Variants in PCDHGA1 observed in about 807,000 individuals in gnomAD.
PCDHGA1 encodes the protein protocadherin gamma subfamily A, 1.
Under a neutral mutation model 58.0 loss-of-function variants are expected in PCDHGA1, and 32 were observed. The observed-to-expected ratio is 0.55, with a 90% CI of 0.42 to 0.74. The LOEUF (loss-of-function observed/expected upper bound fraction) is 0.74, where lower values mean the gene tolerates loss of function less well. PCDHGA1 is among the 30% of genes least tolerant of loss of function. The pLI, the probability that PCDHGA1 is intolerant of heterozygous loss-of-function variation, is 0.00. For synonymous variants in PCDHGA1, 498 were observed against 501.1 expected (o/e 0.99, Z 0.08); for missense variants, 1,205 against 1,182.3 (o/e 1.02, Z -0.28).
intron 2 of PCDHGA1, among the ~76,000 whole-genome samples, chr5:141,501,907 G>T (rs4912761): frequency 0.59 from 89,145 of 151,782 alleles, 27,774 homozygotes; most frequent in African/African-American, 0.8. Context: ...CAACCCCACT[G>T]TTCCACTCAG....
intron 1 of PCDHGA1, chr5:141,422,941 G>A (rs777535652): frequency 9.9e-6 from 16 of 1,614,218 alleles, no homozygotes; most frequent in East Asian, 4.5e-5. Context: ...CCCCACAGAC[G>A]GCTCCACTGG....
chr5:141,345,917 G>A (rs1253423961), intron 1 of PCDHGA1: 9 of 1,613,326 alleles, frequency 5.6e-6, no homozygotes, highest in Non-Finnish European at 7.6e-6. Context: ...AGGTGCGCAC[G>A]GCGCGAGCCC....
intron 1 of PCDHGA1, chr5:141,367,483 G>A (rs971322037): frequency 1.5e-4 from 23 of 152,288 alleles, no homozygotes; most frequent in African/African-American, 5.5e-4. Flanking sequence ...CTTGCAGTAA[G>A]CCGAGATCGC....
intron 1 of PCDHGA1, among the ~76,000 whole-genome samples, chr5:141,425,428 T>C (rs1037803701): frequency 1.3e-5 from 2 of 152,238 alleles, no homozygotes; most frequent in African/African-American, 4.8e-5. Context: ...TCCCATTAAA[T>C]AGAGGATAAA....
Position 141,332,671 on chromosome 5 carries a change from G to A in PCDHGA1, c.1987G>A (p.Ala663Thr). 6.2e-7 allele frequency: 1 copy of A among 1,613,566 alleles called. No individual in the cohort carries two copies. ...PLSATVTLTV[A>T]VADRISDILA... is the part of the protein sequence containing the mutation. ...CTCCGCCACTGTCACGCTCACCGTG[G>A]CCGTGGCCGACAGGATCTCCGACAT... The change falls in exon 1 of 4, where the codon GCC becomes ACC. Residue 663 changes from alanine to threonine, a missense_variant. Coordinates refer to ENST00000517417, the MANE Select transcript of PCDHGA1 (RefSeq NM_018912.3). This position sits in a 1 kb window ranked among gnomAD's most constrained non-coding sequence, Gnocchi z 4.6.
chr5:141,350,121 A>C, intron 1 of PCDHGA1: 1 of 625,990 alleles, frequency 1.6e-6, no homozygotes, highest in Non-Finnish European at 2.4e-6. Context: ...TGTCCGGTGC[A>C]CTGAGCACAG....
intron 1 of PCDHGA1, chr5:141,370,251 A>G (rs981279976): frequency 4.3e-6 from 3 of 695,796 alleles, no homozygotes; most frequent in Non-Finnish European, 6.9e-6. Context: ...TGCACTCTCT[A>G]TCAGGCTTCC....
chr5:141,470,650 T>C (rs2099235744), intron 1 of PCDHGA1, among the ~76,000 whole-genome samples: 1 of 152,184 alleles, frequency 6.6e-6, no homozygotes, highest in Non-Finnish European at 1.5e-5. Context: ...TGAAGGCCCC[T>C]ACCCTTTGGT....
intron 1 of PCDHGA1, among the ~76,000 whole-genome samples, chr5:141,458,992 C>G (rs1268862644): frequency 6.6e-6 from 1 of 152,190 alleles, no homozygotes; most frequent in African/African-American, 2.4e-5. Flanking sequence ...CTCACCCTCC[C>G]AAAGTGCTGG....
intron 1 of PCDHGA1, chr5:141,441,731 C>G: frequency 2.8e-6 from 1 of 362,226 alleles, no homozygotes; most frequent in South Asian, 2.2e-5. Context: ...GCGACCAGGA[C>G]TAGCTCGCGC....
chr5:141,387,984 C>T (rs1470979893), intron 1 of PCDHGA1: 2 of 1,485,580 alleles, frequency 1.3e-6, no homozygotes. Flanking sequence ...TGAGCAGATC[C>T]GCTACAGGAT....
chr5:141,344,212 C>A (rs777942977), intron 1 of PCDHGA1: 16 of 1,613,874 alleles, frequency 9.9e-6, no homozygotes, highest in African/African-American at 4.0e-5. Context: ...CGGGAGCTGG[C>A]GGAGCGCGGA....
intron 1 of PCDHGA1, chr5:141,372,478 C>A: frequency 6.2e-7 from 1 of 1,614,070 alleles, no homozygotes. Context: ...CTAGTAGTGG[C>A]GTTGGCCTTG....
At chr5:141,415,114 G>C (rs186848544) in intron 1 of PCDHGA1, 1 of 1,613,648 alleles carries the variant, frequency 6.2e-7, no homozygotes, top group Non-Finnish European at 8.5e-7. Flanking sequence ...GCAAAGCCTC[G>C]TAGTGGCCGT....
At chr5:141,371,593 A>G in intron 1 of PCDHGA1, 1 of 1,613,972 alleles carries the variant, frequency 6.2e-7, no homozygotes, top group Non-Finnish European at 8.5e-7. Context: ...GATACCAAAA[A>G]CACATACAGG....
chr5:141,340,571 G>T, intron 1 of PCDHGA1: 2 of 1,614,256 alleles, frequency 1.2e-6, no homozygotes, highest in Non-Finnish European at 1.7e-6. Flanking sequence ...GTGGGTGATA[G>T]CGCGGGACAG....
intron 1 of PCDHGA1, among the ~76,000 whole-genome samples, chr5:141,472,402 G>T (rs569497172): frequency 6.6e-6 from 1 of 152,042 alleles, no homozygotes; most frequent in Non-Finnish European, 1.5e-5. Context: ...TTAGCCAGGC[G>T]TGGTGGCACG....
chr5:141,392,700 T>C, intron 1 of PCDHGA1: 1 of 1,257,648 alleles, frequency 8.0e-7, no homozygotes, highest in Non-Finnish European at 1.1e-6. Flanking sequence ...GACCCCTGTT[T>C]GGAGGCACTC....
chr5:141,399,886 G>T, intron 1 of PCDHGA1: 1 of 1,612,706 alleles, frequency 6.2e-7, no homozygotes, highest in Non-Finnish European at 8.5e-7. Flanking sequence ...GGTGACCAAG[G>T]TAGTGGCCGT....
Sources: gnomAD v4.1 joint callset for allele counts (sites outside exome capture counted in the v4.1 genomes callset) on GRCh38, gnomAD v4.1.1 for gene constraint, Gnocchi (gnomAD v3.1) non-coding constraint, MANE v1.5 for transcripts, NCBI Gene and HGNC (gene_info 2026-07-23, HGNC 2026-07-21) for gene names.